The following ARHGEF26 variants were observed in gnomAD, a reference collection of about 807,000 sequenced individuals.
ARHGEF26 encodes Rho guanine nucleotide exchange factor (GEF) 26.
Under a neutral mutation model 89.4 loss-of-function variants are expected in ARHGEF26, and 59 were observed. That is an observed-to-expected ratio of 0.66 (90% CI 0.54 to 0.82). ARHGEF26 has a LOEUF of 0.82. Among genes scored for constraint, ARHGEF26 ranks in the 40% least tolerant of loss-of-function variants. ARHGEF26 has a pLI of 0.00. For missense variants in ARHGEF26, 1,234 were observed against 1,085.6 expected, an observed-to-expected ratio of 1.14 and a Z score of -1.92; for synonymous variants, 500 against 428.4, an observed-to-expected ratio of 1.17 and a Z score of -2.06.
intron 11 of ARHGEF26, among the ~76,000 whole-genome samples, chr3:154,238,104 G>A (rs1433567103): frequency 6.6e-6 from 1 of 152,166 alleles, no homozygotes; most frequent in Non-Finnish European, 1.5e-5. Context: ...AACTTGTTCT[G>A]TGTTGCTAAA....
chr3:154,216,010 A>G (rs1370299902), intron 9 of ARHGEF26, among the ~76,000 whole-genome samples: 2 of 152,202 alleles, frequency 1.3e-5, no homozygotes, highest in Non-Finnish European at 2.9e-5. Flanking sequence ...ATGTTCATAT[A>G]TAACATAGGA....
intron 4 of ARHGEF26, among the ~76,000 whole-genome samples, chr3:154,136,213 A>C (rs1718991985): frequency 6.6e-6 from 1 of 152,036 alleles, no homozygotes; most frequent in African/African-American, 2.4e-5. Flanking sequence ...TTGATTTCTT[A>C]AAGTATTTTA....
chr3:154,219,920 A>AG (rs1716019582), intron 10 of ARHGEF26, among the ~76,000 whole-genome samples: 1 of 27,546 alleles, frequency 3.6e-5, no homozygotes, highest in Admixed American at 5.2e-4. Flanking sequence ...TCTCAAAAAA[A>AG]ACAAAAAACA....
intron 4 of ARHGEF26, among the ~76,000 whole-genome samples, chr3:154,131,610 G>C (rs1362857579): frequency 6.6e-6 from 1 of 152,202 alleles, no homozygotes; most frequent in Non-Finnish European, 1.5e-5. Context: ...TGTTGGTATG[G>C]ACCATTTGGT....
intron 10 of ARHGEF26, among the ~76,000 whole-genome samples, chr3:154,223,847 A>G (rs1268855825): frequency 6.6e-6 from 1 of 152,162 alleles, no homozygotes; most frequent in Non-Finnish European, 1.5e-5. Context: ...GGTGAATTTC[A>G]TGTTATGTAA....
intron 6 of ARHGEF26, among the ~76,000 whole-genome samples, chr3:154,186,161 A>ACACACACACACACACC (rs1032505745): frequency 6.6e-6 from 1 of 150,798 alleles, no homozygotes; most frequent in Admixed American, 6.6e-5. Flanking sequence ...ACACACACAC[A>ACACACACACACACACC]CACACCCCTA....
intron 3 of ARHGEF26, among the ~76,000 whole-genome samples, chr3:154,128,281 A>G (rs559977365): frequency 1.3e-5 from 2 of 152,008 alleles, no homozygotes; most frequent in Non-Finnish European, 2.9e-5. Context: ...GATGGGGTCC[A>G]GTCTGGAGTG....
In ARHGEF26 at chr3:154,256,364, A is replaced by G. The variant is rs922326422; in HGVS notation, c.*891A>G. 19 of 791,376 alleles carry G rather than the reference A, an allele frequency of 2.4e-5. No individual in the cohort carries two copies. The highest frequency in any genetic ancestry group is 2.8e-5 in the Non-Finnish European group (18 of 654,376). 49.0% of individuals were successfully genotyped at this position (791,376 alleles called of 1,614,324 possible). A position where few individuals can be genotyped will look rare whatever the true frequency, so the allele number is the denominator to read the frequency against. On this transcript the variant is annotated 3_prime_UTR_variant, in exon 15 of 15. Coordinates refer to ENST00000465093, the MANE Select transcript of ARHGEF26 (RefSeq NM_015595.4). ...CAGCCTCCCAAGTAGCTGGGATTGT[A>G]AGAGTATGCCACCACGCCCAGCTAC... is the stretch of plus-strand genomic sequence containing the variant.
At chr3:154,206,983 A>G (rs1463423545) in intron 9 of ARHGEF26, among the ~76,000 whole-genome samples, 2 of 152,214 alleles carry the variant, frequency 1.3e-5, no homozygotes, top group Admixed American at 6.5e-5. Context: ...CTGATCTTCA[A>G]CAAATCTGAC....
intron 6 of ARHGEF26, among the ~76,000 whole-genome samples, chr3:154,153,169 A>G (rs148770602): frequency 1.5e-4 from 23 of 151,988 alleles, no homozygotes; most frequent in East Asian, 3.9e-4. Context: ...CTCTTTCCCC[A>G]CTTTGCTTGC....
At position 154,122,918 on chromosome 3, in the gene ARHGEF26, G is replaced by C; in HGVS notation, c.926G>C (p.Arg309Pro). The C allele has an allele frequency of 6.2e-7, 1 of 1,613,272 alleles. No individual in the cohort carries two copies. The highest frequency in any genetic ancestry group is 8.5e-7 in the Non-Finnish European group (1 of 1,179,668). ...GACGTGGATAGCCCAGGGTCTCTGC[G>C]GAGAGGCTTGCGGTCCACGTCTTAT... ...DNDVDSPGSL[R>P]RGLRSTSYRR... Residue 309 changes from arginine to proline, a missense_variant, in exon 2 of 15, where the codon CGG becomes CCG. Transcript: ENST00000465093.
At chr3:154,156,149 G>A (rs1203169185) in intron 6 of ARHGEF26, among the ~76,000 whole-genome samples, 1 of 152,016 alleles carries the variant, frequency 6.6e-6, no homozygotes, top group East Asian at 1.9e-4. Context: ...GAAACACAAG[G>A]AAATGAGAAA....
chr3:154,159,463 C>G lies in ARHGEF26; in HGVS notation c.1487+6531C>G, dbSNP rs557771489. Among the ~76,000 whole-genome samples the G allele has an allele frequency of 4.9e-4, 75 of 152,206 alleles. No homozygotes were observed. The South Asian group carries it at 0.015, about 29-fold the overall frequency. On this transcript the variant is annotated intron_variant, in intron 6 of 14. Coordinates refer to ENST00000465093, the MANE Select transcript of ARHGEF26 (RefSeq NM_015595.4). ...TAATGAGCAGTGAATGCCAAATTCTCTGGTTTCTGCTTTGTGTAGCAGAGT... is the reference window on the plus strand; with the variant it reads ...TAATGAGCAGTGAATGCCAAATTCTGTGGTTTCTGCTTTGTGTAGCAGAGT...
At chr3:154,136,120 A>G (rs1454622717) in intron 4 of ARHGEF26, among the ~76,000 whole-genome samples, 3 of 152,144 alleles carry the variant, frequency 2.0e-5, no homozygotes, top group Non-Finnish European at 4.4e-5. Flanking sequence ...ACTTGCTGAC[A>G]TGTGGCTTTA....
chr3:154,201,979 C>A lies in ARHGEF26; in HGVS notation c.1845+7261C>A, dbSNP rs556938629. Among the ~76,000 whole-genome samples, 1,176 of 152,000 alleles carry A rather than the reference C, an allele frequency of 7.7e-3. 9 individuals carry two copies. Among genetic ancestry groups the A allele is most frequent in the African/African-American group, 0.027 (1,123 of 41,482 alleles). ...TGCCTGTTCACTCTGATGGTAGTTT[C>A]TTTTGCTGTGCAGAAGCTCTTTAGT... On this transcript the variant is annotated intron_variant, in intron 9 of 14. Transcript: ENST00000465093.
rs760465611 is a variant in ARHGEF26, at chr3:154,122,021, C to G, written c.29C>G (p.Ser10Cys). 1.9e-6 allele frequency: 3 copies of G among 1,595,676 alleles called. No homozygotes were observed. Among genetic ancestry groups the G allele is most frequent in the South Asian group, 2.2e-5 (2 of 90,634 alleles). The change falls in exon 2 of 15, where the codon TCT becomes TGT. Residue 10 changes from serine to cysteine, a missense_variant. Coordinates refer to ENST00000465093, the MANE Select transcript of ARHGEF26 (RefSeq NM_015595.4). MDGESEVDF[S>C]SNSITPLWRR... The stretch of plus-strand genomic sequence containing the variant: ...GACGGCGAGAGCGAGGTGGATTTTT[C>G]TAGCAACAGCATAACCCCTTTGTGG...
chr3:154,223,696 G>T (rs1437204074), intron 10 of ARHGEF26, among the ~76,000 whole-genome samples: 1 of 152,172 alleles, frequency 6.6e-6, no homozygotes, highest in Non-Finnish European at 1.5e-5. Flanking sequence ...GGGAGGAAGA[G>T]TGGCAGATGA....
At chr3:154,221,155 A>AG (rs913312528) in intron 10 of ARHGEF26, among the ~76,000 whole-genome samples, 1 of 152,116 alleles carries the variant, frequency 6.6e-6, no homozygotes, top group African/African-American at 2.4e-5. Flanking sequence ...ACAAAAAAAA[A>AG]AAACCACTAG....
At chr3:154,146,639 T>C (rs747588187) in intron 4 of ARHGEF26, among the ~76,000 whole-genome samples, 1 of 152,238 alleles carries the variant, frequency 6.6e-6, no homozygotes, top group Non-Finnish European at 1.5e-5. Flanking sequence ...GCACCAATTA[T>C]ACAGTAAATT....
Sources: allele counts gnomAD v4.1 joint callset (sites outside exome capture counted in the v4.1 genomes callset), GRCh38; gene constraint gnomAD v4.1.1; transcripts MANE v1.5; gene names NCBI Gene and HGNC (gene_info 2026-07-23, HGNC 2026-07-21).